Variants in ADAMTS18 observed in about 807,000 individuals in gnomAD.
ADAMTS18 encodes the protein A disintegrin and metalloproteinase with thrombospondin motifs 18.
Under a neutral mutation model 165.9 loss-of-function variants are expected in ADAMTS18, and 157 were observed. The observed-to-expected ratio is 0.95, with a 90% CI of 0.83 to 1.08. The LOEUF is 1.08. Among genes scored for constraint, ADAMTS18 ranks in the 50% least tolerant of loss-of-function variants. The probability of loss-of-function intolerance (pLI) is 0.00; values close to 1 mark genes in which losing one functional copy is unlikely to be tolerated. For synonymous variants in ADAMTS18, 782 were observed against 578.2 expected (o/e 1.35, Z -5.06); for missense variants, 2,040 against 1,534.0 (o/e 1.33, Z -5.51).
chr16:77,316,894 T>G (rs1247054756), intron 16 of ADAMTS18, among the ~76,000 whole-genome samples: 1 of 152,136 alleles, frequency 6.6e-6, no homozygotes, highest in African/African-American at 2.4e-5. Context: ...CTCATACTCC[T>G]GGTCTCAAGC....
intron 5 of ADAMTS18, 129 bp downstream of exon 5, chr16:77,364,059 A>G (rs2056755547): frequency 3.7e-6 from 5 of 1,351,176 alleles, no homozygotes; most frequent in Non-Finnish European, 5.3e-6. Flanking sequence ...TGTAGCTATT[A>G]AAAGTAATGG....
intron 12 of ADAMTS18, among the ~76,000 whole-genome samples, chr16:77,326,273 C>G (rs946282163): frequency 6.6e-6 from 1 of 152,206 alleles, no homozygotes; most frequent in African/African-American, 2.4e-5. Flanking sequence ...TTCATTACCA[C>G]TGTTCACTCA....
At chr16:77,390,518 C>T (rs560854609) in intron 3 of ADAMTS18, among the ~76,000 whole-genome samples, 120 of 151,950 alleles carry the variant, frequency 7.9e-4, no homozygotes, top group African/African-American at 2.7e-3. Flanking sequence ...GGTGAAATGC[C>T]GTCTCTACTA....
chr16:77,389,165 G>C (rs1185421262), intron 3 of ADAMTS18, among the ~76,000 whole-genome samples: 2 of 152,118 alleles, frequency 1.3e-5, no homozygotes, highest in Non-Finnish European at 2.9e-5. Flanking sequence ...GCGAGGCATG[G>C]TTGCACATAC....
intron 4 of ADAMTS18, among the ~76,000 whole-genome samples, chr16:77,366,029 A>G (rs1022844002): frequency 6.6e-6 from 1 of 152,220 alleles, no homozygotes; most frequent in Non-Finnish European, 1.5e-5. Context: ...TATATGCTAA[A>G]TGGATGCCCC....
intron 10 of ADAMTS18, among the ~76,000 whole-genome samples, chr16:77,351,500 T>C (rs544410163): frequency 6.6e-5 from 10 of 152,218 alleles, no homozygotes; most frequent in Non-Finnish European, 1.0e-4. Context: ...GAAGGAATGA[T>C]AGTAATTTTA....
At chr16:77,368,598 A>C (rs2144746909) in intron 3 of ADAMTS18, among the ~76,000 whole-genome samples, 1 of 152,056 alleles carries the variant, frequency 6.6e-6, no homozygotes, top group Non-Finnish European at 1.5e-5. Context: ...CACTATGCTC[A>C]GAAATGCGGT....
Position 77,300,291 on chromosome 16 carries a change from C to A in ADAMTS18, c.2646G>T (p.Gln882His). ...CACCACAGGAGACGGAGCACTCTGA[C>A]TGCACGATACTCCAGGTATAGGCAG... is the stretch of plus-strand genomic sequence containing the variant. ...KRPAYTWSIV[Q>H]SECSVSCGGG... is the part of the protein sequence containing the mutation. Residue 882 changes from glutamine (Q) to histidine (H), a missense_variant, in exon 17 of 23, where the codon CAG becomes CAT. Transcript: ENST00000282849. 6.2e-7 allele frequency: 1 copy of A among 1,614,116 alleles called. No individual in the cohort carries two copies. Among genetic ancestry groups the A allele is most frequent in the Non-Finnish European group, 8.5e-7 (1 of 1,179,992 alleles).
At chr16:77,416,457 G>C (rs754626307) in intron 3 of ADAMTS18, among the ~76,000 whole-genome samples, 8 of 152,156 alleles carry the variant, frequency 5.3e-5, no homozygotes, top group Admixed American at 2.6e-4. Flanking sequence ...TGAATCATGG[G>C]GGTGGTTTTC....
In ADAMTS18 at chr16:77,293,220, TTC is replaced by T. The variant is rs752422457; in HGVS notation, c.3043_3044del (p.Glu1015ThrfsTer23). On this transcript the variant is annotated frameshift_variant, in exon 20 of 23. Coordinates refer to ENST00000282849, the MANE Select transcript of ADAMTS18 (RefSeq NM_199355.4). LOFTEE classifies it high-confidence loss of function. ...CTGCGGCAGAGCCCTTGCAGAGGAG[TTC>T]ACGCTTCCTCACCCCTCGTCCACAG... ...KTCGRGVRKR[E>X]LLCKGSAAET... 27 of 1,613,186 alleles carry T rather than the reference TTC, an allele frequency of 1.7e-5. No individual in the cohort carries two copies. The highest frequency in any genetic ancestry group is 2.1e-5 in the Non-Finnish European group (25 of 1,179,828).
intron 3 of ADAMTS18, among the ~76,000 whole-genome samples, chr16:77,396,830 A>G (rs1193484067): frequency 6.7e-6 from 1 of 149,210 alleles, no homozygotes; most frequent in Non-Finnish European, 1.5e-5. Context: ...TTTTTGAGAC[A>G]CAGTCTCACC....
At chr16:77,313,095 C>A (rs138386425) in intron 16 of ADAMTS18, among the ~76,000 whole-genome samples, 1,775 of 129,714 alleles carry the variant, frequency 0.014, 14 homozygotes, top group Middle Eastern at 0.029. Context: ...ACATATGCAC[C>A]ATGGAATACT....
In ADAMTS18 at chr16:77,300,299, T is replaced by C. The variant is rs567552708; in HGVS notation, c.2638A>G (p.Ile880Val). 1.2e-6 allele frequency: 2 copies of C among 1,614,160 alleles called. No individual in the cohort carries two copies. The highest frequency in any genetic ancestry group is 1.1e-5 in the South Asian group (1 of 91,088). ...GAGACGGAGCACTCTGACTGCACGA[T>C]ACTCCAGGTATAGGCAGGTCTTTTT... Reference protein sequence around the residue: ...ATKRPAYTWSIVQSECSVSCG... With the variant: ...ATKRPAYTWSVVQSECSVSCG... Residue 880 changes from isoleucine (I) to valine (V), a missense_variant, in exon 17 of 23, where the codon ATC becomes GTC. Coordinates refer to ENST00000282849, the MANE Select transcript of ADAMTS18 (RefSeq NM_199355.4).
chr16:77,418,575 G>A (rs112861119), intron 3 of ADAMTS18, among the ~76,000 whole-genome samples: 1 of 152,130 alleles, frequency 6.6e-6, no homozygotes, highest in African/African-American at 2.4e-5. Flanking sequence ...CCCCTAGAAA[G>A]AATTATCCAT....
chr16:77,419,573 C>T (rs1243883189), intron 3 of ADAMTS18, among the ~76,000 whole-genome samples: 1 of 152,134 alleles, frequency 6.6e-6, no homozygotes, highest in African/African-American at 2.4e-5. Flanking sequence ...TAGGTCAGAC[C>T]TACCTGGAAA....
chr16:77,335,267 A>C (rs927323839), intron 12 of ADAMTS18, among the ~76,000 whole-genome samples: 1 of 148,982 alleles, frequency 6.7e-6, no homozygotes, highest in Non-Finnish European at 1.5e-5. Context: ...CCCATGTGAG[A>C]GCTAAAAAAA....
intron 3 of ADAMTS18, among the ~76,000 whole-genome samples, chr16:77,394,997 A>G (rs1012698943): frequency 6.6e-6 from 1 of 152,150 alleles, no homozygotes; most frequent in African/African-American, 2.4e-5. Flanking sequence ...AACCCTAGGC[A>G]CATGAAGCTG....
At chr16:77,344,925 T>G (rs1276521984) in intron 10 of ADAMTS18, among the ~76,000 whole-genome samples, 2 of 152,172 alleles carry the variant, frequency 1.3e-5, no homozygotes, top group African/African-American at 2.4e-5. Flanking sequence ...TGCACTTTTT[T>G]TGCTTGTACC....
intron 3 of ADAMTS18, among the ~76,000 whole-genome samples, chr16:77,392,849 C>T (rs1391847501): frequency 6.6e-6 from 1 of 152,118 alleles, no homozygotes; most frequent in African/African-American, 2.4e-5. Flanking sequence ...TCAGTTTAAT[C>T]AGGCAATAAA....
Sources: allele counts gnomAD v4.1 joint callset (sites outside exome capture counted in the v4.1 genomes callset), GRCh38; gene constraint gnomAD v4.1.1; transcripts MANE v1.5; gene names NCBI Gene and HGNC (gene_info 2026-07-23, HGNC 2026-07-21).